Variants in NRP1 observed in about 807,000 individuals in gnomAD.
The protein encoded by NRP1 is neuropilin-1.
In NRP1, 35 loss-of-function variants were observed where a neutral mutation model predicts 106.7. The ratio of observed to expected loss-of-function variants is 0.33; its 90% confidence interval spans 0.25 to 0.43. NRP1 has a LOEUF of 0.43. Among genes scored for constraint, NRP1 ranks in the 20% least tolerant of loss-of-function variants. The probability of loss-of-function intolerance (pLI) is 1.00; values close to 1 mark genes in which losing one functional copy is unlikely to be tolerated. For missense variants in NRP1, 1,024 were observed against 1,170.4 expected (o/e 0.87, Z 1.83); for synonymous variants, 437 against 417.9 (o/e 1.05, Z -0.56).
chr10:33,264,048 A>T (rs1055996584), intron 3 of NRP1, among the ~76,000 whole-genome samples, 175 bp from the exon 4 acceptor site: 2 of 152,262 alleles, frequency 1.3e-5, no homozygotes, highest in African/African-American at 4.8e-5. Flanking sequence ...TGGAAAGTCA[A>T]GTTCAGATTT....
chr10:33,215,186 A>G (rs1838658563), intron 8 of NRP1, among the ~76,000 whole-genome samples: 1 of 152,156 alleles, frequency 6.6e-6, no homozygotes, highest in African/African-American at 2.4e-5. Context: ...TCAGTTAAGC[A>G]ATTCTCTTCT....
chr10:33,313,313 G>C (rs1846746400), intron 2 of NRP1, among the ~76,000 whole-genome samples: 1 of 152,166 alleles, frequency 6.6e-6, no homozygotes, highest in Admixed American at 6.5e-5. Context: ...GGCTGGGCTG[G>C]AACAGCAGCT....
At chr10:33,276,544 G>A (rs777324405) in intron 2 of NRP1, among the ~76,000 whole-genome samples, 2 of 152,170 alleles carry the variant, frequency 1.3e-5, no homozygotes, top group Non-Finnish European at 1.5e-5. Context: ...ATCCTAGAAA[G>A]AGCCCTGAGC....
At chr10:33,302,199 C>T (rs561078946) in intron 2 of NRP1, among the ~76,000 whole-genome samples, 82 of 152,286 alleles carry the variant, frequency 5.4e-4, no homozygotes, top group African/African-American at 3.6e-4. Flanking sequence ...ACAAACTAGA[C>T]GCATTTTAAT....
chr10:33,290,466 C>T (rs1263670818), intron 2 of NRP1, among the ~76,000 whole-genome samples: 1 of 151,074 alleles, frequency 6.6e-6, no homozygotes, highest in African/African-American at 2.4e-5. Flanking sequence ...AGATGATTAA[C>T]TCTGGTCATT....
At chr10:33,192,185 C>T (rs190554742) in intron 13 of NRP1, 96 bp downstream of exon 13, 3 of 1,353,386 alleles carry the variant, frequency 2.2e-6, no homozygotes, top group African/African-American at 2.9e-5. Flanking sequence ...TCCTACCCGC[C>T]CTAAATTCAC....
intron 4 of NRP1, among the ~76,000 whole-genome samples, chr10:33,257,927 T>C (rs1281566483): frequency 6.6e-6 from 1 of 152,112 alleles, no homozygotes; most frequent in Non-Finnish European, 1.5e-5. Context: ...AAGAAATCCA[T>C]GGTTCTGTGC....
intron 5 of NRP1, among the ~76,000 whole-genome samples, chr10:33,255,574 C>T (rs552424895): frequency 6.6e-6 from 1 of 152,164 alleles, no homozygotes; most frequent in Non-Finnish European, 1.5e-5. Flanking sequence ...CCCATAGCTT[C>T]CCAAGTAACT....
chr10:33,300,463 G>C (rs546446163), intron 2 of NRP1, among the ~76,000 whole-genome samples: 4 of 152,168 alleles, frequency 2.6e-5, no homozygotes, highest in Non-Finnish European at 5.9e-5. Context: ...CCTCCCGCCC[G>C]GCCTGGACAG....
Position 33,216,448 on chromosome 10 carries a change from C to A in NRP1, c.1283-2731G>T, listed in dbSNP as rs1588746326. On this transcript the variant is annotated intron_variant, in intron 8 of 16. Coordinates refer to ENST00000374867, the MANE Select transcript of NRP1 (RefSeq NM_003873.7). ...GGCGCCTGGCCCCTCTACACCCCGG[C>A]CTTTTTTTTAATTTTTATTTTTAGA... is the stretch of plus-strand genomic sequence containing the variant. 2.0e-5 allele frequency among the ~76,000 whole-genome samples: 3 copies of A among 150,594 alleles called. No homozygotes were observed. The South Asian group carries it at 6.4e-4, about 32-fold the overall frequency.
At chr10:33,199,386 TA>T (rs1564372826) in intron 11 of NRP1, among the ~76,000 whole-genome samples, 53 of 74,880 alleles carry the variant, frequency 7.1e-4, no homozygotes, top group African/African-American at 2.0e-3. Context: ...TATATATATA[TA>T]TATTTTTTTT....
intron 6 of NRP1, among the ~76,000 whole-genome samples, chr10:33,251,764 A>G (rs894065661): frequency 1.3e-5 from 2 of 152,172 alleles, no homozygotes; most frequent in Non-Finnish European, 2.9e-5. Flanking sequence ...CTACAGTTGC[A>G]GTTTCAGAGC....
chr10:33,209,017 C>T (rs1838057542), intron 9 of NRP1, among the ~76,000 whole-genome samples: 1 of 148,892 alleles, frequency 6.7e-6, no homozygotes, highest in African/African-American at 2.5e-5. Flanking sequence ...AGTGATTCTC[C>T]TGTCTCAGCC....
At chr10:33,327,980 T>C (rs1006138088) in intron 2 of NRP1, among the ~76,000 whole-genome samples, 2 of 152,120 alleles carry the variant, frequency 1.3e-5, no homozygotes, top group Non-Finnish European at 2.9e-5. Context: ...ATAACAGCCT[T>C]TCAGCTTTGG....
chr10:33,244,195 G>C (rs758483449), intron 6 of NRP1, among the ~76,000 whole-genome samples: 22 of 152,114 alleles, frequency 1.4e-4, no homozygotes, highest in Non-Finnish European at 2.5e-4. Flanking sequence ...TTAAAGTGTG[G>C]GTTCTGCCAG....
chr10:33,259,985 G>T (rs1842465805), intron 4 of NRP1, among the ~76,000 whole-genome samples: 1 of 152,094 alleles, frequency 6.6e-6, no homozygotes, highest in Non-Finnish European at 1.5e-5. Flanking sequence ...CTCCTGAAGG[G>T]CTGGGACTCT....
At chr10:33,282,046 T>C (rs1157538076) in intron 2 of NRP1, among the ~76,000 whole-genome samples, 1 of 152,220 alleles carries the variant, frequency 6.6e-6, no homozygotes, top group Non-Finnish European at 1.5e-5. Flanking sequence ...AGTTTTGCTC[T>C]AGCATTGCTC....
chr10:33,252,725 C>CT (rs1316004064), intron 6 of NRP1, among the ~76,000 whole-genome samples: 1 of 151,858 alleles, frequency 6.6e-6, no homozygotes, highest in Non-Finnish European at 1.5e-5. Context: ...TTACCAAGAA[C>CT]TATTTTGACA....
At position 33,228,678 on chromosome 10, in the gene NRP1, A is replaced by G. The variant is rs1355179595; in HGVS notation, c.982-2389T>C. 2.0e-5 allele frequency among the ~76,000 whole-genome samples: 3 copies of G among 152,202 alleles called. No homozygotes were observed. The East Asian group carries it at 5.8e-4, about 29-fold the overall frequency. On this transcript the variant is annotated intron_variant, in intron 6 of 16. Transcript: ENST00000374867. ...AGCACATAGAAGCCAATTTGAAGTT[A>G]CAGAAAGCAGTAGTGGTAGATTTCA...
Sources: gnomAD v4.1 joint callset for allele counts (sites outside exome capture counted in the v4.1 genomes callset) on GRCh38, gnomAD v4.1.1 for gene constraint, MANE v1.5 for transcripts, NCBI Gene and HGNC (gene_info 2026-07-23, HGNC 2026-07-21) for gene names.